KCNJ16: variants seen among roughly 807,000 people sequenced by gnomAD.
KCNJ16 encodes inward rectifier potassium channel 16.
A neutral mutation model predicts 18.5 loss-of-function variants in KCNJ16; 15 were observed. That is an observed-to-expected ratio of 0.81 (90% CI 0.54 to 1.25). The LOEUF (loss-of-function observed/expected upper bound fraction) is 1.25. Ranked by LOEUF, KCNJ16 falls within the 50% of genes most tolerant of loss-of-function variation. The probability of loss-of-function intolerance (pLI) is 0.00; values close to 1 mark genes in which losing one functional copy is unlikely to be tolerated. For synonymous variants in KCNJ16, 174 were observed against 186.5 expected, an observed-to-expected ratio of 0.93 and a Z score of 0.55; for missense variants, 523 against 525.7, an observed-to-expected ratio of 0.99 and a Z score of 0.05.
chr17:70,105,985 A>G lies in KCNJ16; in HGVS notation c.-191+5219A>G, dbSNP rs555126842. Among the ~76,000 whole-genome samples the G allele has an allele frequency of 1.1e-3, 170 of 152,352 alleles. 6 individuals carry two copies. The South Asian group carries it at 0.034, about 31-fold the overall frequency. On this transcript the variant is annotated intron_variant, in intron 2 of 3. Transcript: ENST00000392671. ...TAAAAAATTTCCCATGAATCTTGAA[A>G]TAATCCTGAGAATTCAGATGGAGTG...
intron 1 of KCNJ16, among the ~76,000 whole-genome samples, chr17:70,077,470 G>C (rs1356521775): frequency 1.3e-5 from 2 of 152,162 alleles, no homozygotes. Flanking sequence ...GAACATCAAG[G>C]CTGTGCTGAG....
chr17:70,133,794 G>A lies in KCNJ16; in HGVS notation c.*450G>A, dbSNP rs2074146973. On this transcript the variant is annotated 3_prime_UTR_variant, in exon 4 of 4. Transcript: ENST00000392671. Reference sequence around the variant, plus strand: ...TCATATCTAACCAAGATATGCAAAAGATGCATTCAGTAAGCTGTAACGTTG... The same window carrying A: ...TCATATCTAACCAAGATATGCAAAAAATGCATTCAGTAAGCTGTAACGTTG... 1 of 170,024 alleles carries A rather than the reference G, an allele frequency of 5.9e-6. No individual in the cohort carries two copies. Among genetic ancestry groups the A allele is most frequent in the South Asian group, 2.0e-4 (1 of 5,096 alleles). The allele number at this position is 170,024 out of a possible 1,614,324, so 10.5% of individuals were successfully genotyped here. A position where few individuals can be genotyped will look rare whatever the true frequency, so the allele number is the denominator to read the frequency against.
Position 70,132,100 on chromosome 17 carries a change from G to T in KCNJ16, c.13G>T (p.Gly5Cys). MSYY[G>C]SSYHIINADA... ...GGCACAGCAAAGAATGAGCTATTACGGCAGCAGCTATCATATTATCAATGC... is the reference window on the plus strand; with the variant it reads ...GGCACAGCAAAGAATGAGCTATTACTGCAGCAGCTATCATATTATCAATGC... The change falls in exon 4 of 4, where the codon GGC (glycine) becomes TGC (cysteine). Residue 5 changes from glycine (G) to cysteine (C), a missense_variant. Physicochemically the swap from Gly to Cys is radical, Grantham distance 159. Transcript: ENST00000392671. The T allele has an allele frequency of 1.2e-6, 2 of 1,614,114 alleles. No homozygotes were observed.
intron 1 of KCNJ16, among the ~76,000 whole-genome samples, chr17:70,096,472 A>G (rs111986081): frequency 5.7e-5 from 6 of 104,528 alleles, no homozygotes; most frequent in African/African-American, 2.1e-4. Context: ...TTTTTAATTT[A>G]TTTAAAAATT....
intron 1 of KCNJ16, among the ~76,000 whole-genome samples, chr17:70,081,805 TCTGTG>T (rs1432876185): frequency 9.6e-6 from 1 of 103,960 alleles, no homozygotes; most frequent in African/African-American, 5.6e-5. Flanking sequence ...GTCACCATGC[TCTGTG>T]TGTGTGTGTG....
chr17:70,114,934 G>A (rs1402110460), intron 2 of KCNJ16, among the ~76,000 whole-genome samples: 1 of 152,104 alleles, frequency 6.6e-6, no homozygotes, highest in Non-Finnish European at 1.5e-5. Flanking sequence ...ATACCACCTA[G>A]TATGAAAGGA....
intron 1 of KCNJ16, among the ~76,000 whole-genome samples, chr17:70,079,139 A>C (rs2071440706): frequency 6.6e-6 from 1 of 152,188 alleles, no homozygotes; most frequent in Non-Finnish European, 1.5e-5. Flanking sequence ...GTGGCTGGCA[A>C]GTATGAAATC....
chr17:70,093,222 G>A (rs1206783355), intron 1 of KCNJ16, among the ~76,000 whole-genome samples: 1 of 152,190 alleles, frequency 6.6e-6, no homozygotes, highest in Admixed American at 6.5e-5. Flanking sequence ...TGCAAACTGG[G>A]TGGCATAAAA....
Position 70,133,918 on chromosome 17 carries a change from T to C in KCNJ16, c.*574T>C, listed in dbSNP as rs2074150234. The C allele has an allele frequency of 6.0e-6, 1 of 167,312 alleles. No homozygotes were observed. The allele number at this position is 167,312 out of a possible 1,614,324, so 10.4% of individuals were successfully genotyped here. A position where few individuals can be genotyped will look rare whatever the true frequency, so the allele number is the denominator to read the frequency against. On this transcript the variant is annotated 3_prime_UTR_variant, in exon 4 of 4. Coordinates refer to ENST00000392671, the MANE Select transcript of KCNJ16 (RefSeq NM_170741.4). ...GAGCATAGCGAGTGGCTGTAAGAAA[T>C]TGTCCATGCCACCAATTCCACTGCT...
chr17:70,108,717 T>C (rs2073046094), intron 2 of KCNJ16, among the ~76,000 whole-genome samples: 1 of 152,162 alleles, frequency 6.6e-6, no homozygotes, highest in Non-Finnish European at 1.5e-5. Context: ...GAATTCTCTG[T>C]GGCTAGAAAA....
chr17:70,129,285 C>T (rs1396937038), intron 2 of KCNJ16, among the ~76,000 whole-genome samples: 1 of 152,172 alleles, frequency 6.6e-6, no homozygotes, highest in African/African-American at 2.4e-5. Context: ...AGTTTTAATC[C>T]TAAGAAACAC....
intron 2 of KCNJ16, among the ~76,000 whole-genome samples, chr17:70,128,452 G>A (rs1050152128): frequency 9.9e-5 from 15 of 152,146 alleles, no homozygotes; most frequent in Non-Finnish European, 1.5e-4. Context: ...AAGTAAATCA[G>A]GGAGTCTCTC....
At chr17:70,111,264 A>G (rs1246908136) in intron 2 of KCNJ16, among the ~76,000 whole-genome samples, 1 of 152,156 alleles carries the variant, frequency 6.6e-6, no homozygotes, top group Non-Finnish European at 1.5e-5. Context: ...TAATTTGCAA[A>G]ACACAAAAGA....
intron 1 of KCNJ16, among the ~76,000 whole-genome samples, chr17:70,088,021 C>CAAAAAAAAAAAAAAAAAAAAAAA (rs10661960): frequency 2.5e-5 from 2 of 79,470 alleles, no homozygotes; most frequent in African/African-American, 5.4e-5. Flanking sequence ...GACTCTGTCT[C>CAAAAAAAAAAAAAAAAAAAAAAA]AAAAAAAAAA....
chr17:70,088,021 CAAAAAAAAA>C (rs10661960), intron 1 of KCNJ16, among the ~76,000 whole-genome samples: 9 of 79,470 alleles, frequency 1.1e-4, no homozygotes, highest in Non-Finnish European at 1.7e-4. Flanking sequence ...GACTCTGTCT[CAAAAAAAAA>C]AAAAAAAAAA....
At chr17:70,095,776 C>T (rs1327717017) in intron 1 of KCNJ16, among the ~76,000 whole-genome samples, 1 of 150,006 alleles carries the variant, frequency 6.7e-6, no homozygotes, top group Non-Finnish European at 1.5e-5. Context: ...AAATGTGGTA[C>T]CAAAAAAAAT....
At chr17:70,125,580 G>A (rs144853245) in intron 2 of KCNJ16, among the ~76,000 whole-genome samples, 3 of 152,160 alleles carry the variant, frequency 2.0e-5, no homozygotes, top group South Asian at 2.1e-4. Flanking sequence ...TGGATCTTGC[G>A]CAAGAAAGAA....
At chr17:70,116,990 T>C (rs3922321) in intron 2 of KCNJ16, among the ~76,000 whole-genome samples, 13,217 of 152,024 alleles carry the variant, frequency 0.087, 1,938 homozygotes, top group African/African-American at 0.3. Flanking sequence ...TCACCAAAAG[T>C]CTCATGCACT....
At chr17:70,113,444 T>C (rs2073270858) in intron 2 of KCNJ16, among the ~76,000 whole-genome samples, 1 of 152,200 alleles carries the variant, frequency 6.6e-6, no homozygotes, top group Non-Finnish European at 1.5e-5. Context: ...ATACTTCAGA[T>C]ATAGTTGAAT....
Sources: allele counts gnomAD v4.1 joint callset (sites outside exome capture counted in the v4.1 genomes callset), GRCh38; gene constraint gnomAD v4.1.1; transcripts MANE v1.5; gene names NCBI Gene and HGNC (gene_info 2026-07-23, HGNC 2026-07-21).